The following ZBTB20 variants were observed in gnomAD, a reference collection of about 807,000 sequenced individuals.
ZBTB20 encodes the protein zinc finger and BTB domain containing 20.
ZBTB20 carries 9 observed loss-of-function variants against 56.9 expected under a neutral mutation model. The ratio of observed to expected loss-of-function variants is 0.16; its 90% CI spans 0.10 to 0.28. The LOEUF is 0.28. Among genes scored for constraint, ZBTB20 ranks in the 10% least tolerant of loss-of-function variants. ZBTB20 has a pLI of 1.00. For missense variants in ZBTB20, 655 were observed against 1,003.0 expected (o/e 0.65, Z 4.69); for synonymous variants, 417 against 420.7 (o/e 0.99, Z 0.11).
At chr3:114,767,042 T>C (rs985842470) in intron 5 of ZBTB20, among the ~76,000 whole-genome samples, 1 of 152,074 alleles carries the variant, frequency 6.6e-6, no homozygotes, top group African/African-American at 2.4e-5. Context: ...CTATAGAAGT[T>C]GGAGATGGTC....
At chr3:115,016,816 AT>A (rs1260937265) in intron 2 of ZBTB20, among the ~76,000 whole-genome samples, 1 of 151,442 alleles carries the variant, frequency 6.6e-6, no homozygotes, top group Non-Finnish European at 1.5e-5. Context: ...TTCCATATGA[AT>A]TTTAAAATTC....
At chr3:115,110,690 G>A (rs549437587) in intron 1 of ZBTB20, among the ~76,000 whole-genome samples, 1 of 152,092 alleles carries the variant, frequency 6.6e-6, no homozygotes, top group East Asian at 1.9e-4. Flanking sequence ...GAAGAGAATT[G>A]TATATAAAAC....
intron 4 of ZBTB20, among the ~76,000 whole-genome samples, chr3:114,844,258 T>G (rs1160624653): frequency 1.4e-5 from 2 of 147,396 alleles, no homozygotes; most frequent in African/African-American, 5.1e-5. Context: ...TTTTATAAAA[T>G]TCTAGGAAAT....
At chr3:114,496,825 G>T (rs142182502) in intron 7 of ZBTB20, among the ~76,000 whole-genome samples, 1 of 152,308 alleles carries the variant, frequency 6.6e-6, no homozygotes, top group Non-Finnish European at 1.5e-5. Flanking sequence ...ATTGACTTTA[G>T]GGGGGCATTA....
chr3:114,497,405 A>G (rs1414041240), intron 7 of ZBTB20, among the ~76,000 whole-genome samples: 1 of 151,290 alleles, frequency 6.6e-6, no homozygotes, highest in African/African-American at 2.4e-5. Context: ...ATCTCATACT[A>G]CTCTTTCAAC....
At chr3:115,036,509 G>A (rs2080928693) in intron 2 of ZBTB20, among the ~76,000 whole-genome samples, 1 of 152,152 alleles carries the variant, frequency 6.6e-6, no homozygotes, top group Admixed American at 6.5e-5. Flanking sequence ...CCGCCTCCCA[G>A]GTTCGAGCGA....
At chr3:114,633,830 A>G (rs1371061245) in intron 6 of ZBTB20, among the ~76,000 whole-genome samples, 2 of 152,208 alleles carry the variant, frequency 1.3e-5, no homozygotes, top group African/African-American at 4.8e-5. Flanking sequence ...TCTAGAGATG[A>G]AAAATAGTAA....
At chr3:114,860,184 G>A (rs2075455355) in intron 4 of ZBTB20, among the ~76,000 whole-genome samples, 1 of 152,056 alleles carries the variant, frequency 6.6e-6, no homozygotes. Flanking sequence ...GCGTGTGACT[G>A]TAGTCCCAGC....
intron 2 of ZBTB20, among the ~76,000 whole-genome samples, chr3:114,987,540 TC>T (rs1263889793): frequency 3.3e-5 from 5 of 152,296 alleles, no homozygotes; most frequent in African/African-American, 1.2e-4. Flanking sequence ...TGCTCACATT[TC>T]ACTTGTGAGG....
At chr3:114,357,903 A>T (rs1521066) in intron 10 of ZBTB20, among the ~76,000 whole-genome samples, 27 of 152,012 alleles carry the variant, frequency 1.8e-4, no homozygotes, top group Non-Finnish European at 3.8e-4. Context: ...GAAGAGAAAT[A>T]TTTTTTAAAA....
At chr3:114,658,297 G>C (rs1158797302) in intron 6 of ZBTB20, 1 of 151,930 alleles carries the variant, frequency 6.6e-6, no homozygotes, top group East Asian at 1.9e-4. Context: ...AGGGAAAATG[G>C]ATAACTCTTA....
chr3:114,847,133 C>A (rs1379102636), intron 4 of ZBTB20, among the ~76,000 whole-genome samples: 1 of 152,108 alleles, frequency 6.6e-6, no homozygotes, highest in Non-Finnish European at 1.5e-5. Flanking sequence ...CATGTGTGAG[C>A]CATGATTATA....
At chr3:114,698,528 G>C (rs1015730363) in intron 5 of ZBTB20, among the ~76,000 whole-genome samples, 1 of 152,070 alleles carries the variant, frequency 6.6e-6, no homozygotes, top group Non-Finnish European at 1.5e-5. Context: ...AGTTGTTTCT[G>C]CTGCTAGGTA....
chr3:115,005,565 A>G (rs1233868403), intron 2 of ZBTB20, among the ~76,000 whole-genome samples: 1 of 151,828 alleles, frequency 6.6e-6, no homozygotes, highest in Non-Finnish European at 1.5e-5. Context: ...GTCTCAAATC[A>G]TGTTCTGAAC....
chr3:114,673,828 A>C (rs933030699), intron 6 of ZBTB20, among the ~76,000 whole-genome samples: 2 of 152,194 alleles, frequency 1.3e-5, no homozygotes, highest in African/African-American at 4.8e-5. Flanking sequence ...TTCATAATGT[A>C]TCCCCTATTT....
At chr3:115,077,777 T>C (rs1056647573) in intron 1 of ZBTB20, among the ~76,000 whole-genome samples, 1 of 152,168 alleles carries the variant, frequency 6.6e-6, no homozygotes, top group East Asian at 1.9e-4. Context: ...CCTTGTACAC[T>C]GTTGGTAGGA....
chr3:114,394,082 AG>A (rs1433778932), intron 7 of ZBTB20, among the ~76,000 whole-genome samples: 2 of 152,192 alleles, frequency 1.3e-5, no homozygotes, highest in Non-Finnish European at 2.9e-5. Context: ...TTTACAAGAA[AG>A]GTAATAGTAA....
chr3:114,569,707 A>C (rs985330390), intron 6 of ZBTB20, among the ~76,000 whole-genome samples: 2 of 152,234 alleles, frequency 1.3e-5, no homozygotes, highest in Non-Finnish European at 2.9e-5. Context: ...CCTTTATGCT[A>C]TACAGATATT....
At chr3:114,551,777 G>A (rs2050609974) in intron 6 of ZBTB20, among the ~76,000 whole-genome samples, 1 of 152,366 alleles carries the variant, frequency 6.6e-6, no homozygotes, top group East Asian at 1.9e-4. Flanking sequence ...AAGGATGTGA[G>A]TAGAGGTGAA....
Sources: gnomAD v4.1 joint callset for allele counts (sites outside exome capture counted in the v4.1 genomes callset) on GRCh38, gnomAD v4.1.1 for gene constraint, MANE v1.5 for transcripts, NCBI Gene and HGNC (gene_info 2026-07-23, HGNC 2026-07-21) for gene names.